RHOU: variants seen among roughly 807,000 people sequenced by gnomAD.
The protein encoded by RHOU is ras homolog family member U.
Under a neutral mutation model 12.6 loss-of-function variants are expected in RHOU, and 8 were observed. The observed-to-expected ratio is 0.64, with a 90% confidence interval of 0.37 to 1.15. The LOEUF is 1.15. Among genes scored for constraint, RHOU ranks in the 50% most tolerant of loss-of-function variants. The probability of loss-of-function intolerance (pLI) is 0.01; values close to 1 mark genes in which losing one functional copy is unlikely to be tolerated. For synonymous variants in RHOU, 161 were observed against 147.4 expected (o/e 1.09, Z -0.67); for missense variants, 258 against 347.0 (o/e 0.74, Z 2.04).
chr1:228,662,503 A>G, the RHOU span, among the ~76,000 whole-genome samples: 3 of 152,154 alleles, frequency 2.0e-5, no homozygotes, highest in Admixed American at 1.3e-4. Flanking sequence ...ATGCTGCCAC[A>G]AAAAAGGATG....
chr1:228,650,709 T>TAGTA, the RHOU span: 1 of 476,670 alleles, frequency 2.1e-6, no homozygotes, highest in African/African-American at 2.0e-5. Flanking sequence ...TGTGGAAAGC[T>TAGTA]AGTAGTGCTA....
the RHOU span, among the ~76,000 whole-genome samples, chr1:228,703,257 C>T: frequency 0.53 from 79,669 of 151,352 alleles, 23,714 homozygotes; most frequent in African/African-American, 0.83. Flanking sequence ...CCAGGCGCGG[C>T]GTCTCACATC....
At chr1:228,715,078 G>T in the RHOU span, among the ~76,000 whole-genome samples, 1 of 151,928 alleles carries the variant, frequency 6.6e-6, no homozygotes, top group African/African-American at 2.4e-5. Flanking sequence ...ATTTGAAATA[G>T]ATCTAACTAG....
chr1:228,719,540 G>C, the RHOU span, among the ~76,000 whole-genome samples: 1 of 152,122 alleles, frequency 6.6e-6, no homozygotes, highest in Non-Finnish European at 1.5e-5. Flanking sequence ...GACCAGCCTG[G>C]CCAACATGGT....
upstream of RHOU, among the ~76,000 whole-genome samples, chr1:228,733,605 C>T (rs141834372): frequency 4.6e-3 from 699 of 152,322 alleles, 1 homozygote; most frequent in African/African-American, 5.2e-3. Flanking sequence ...CCGCACCAGC[C>T]GATATTAGGT....
chr1:228,657,258 C>T, the RHOU span, among the ~76,000 whole-genome samples: 13 of 87,466 alleles, frequency 1.5e-4, no homozygotes, highest in East Asian at 1.5e-3. Context: ...GCCTGGGCAA[C>T]GAGAGCAAAA....
At chr1:228,729,841 C>A in the RHOU span, among the ~76,000 whole-genome samples, 1 of 152,142 alleles carries the variant, frequency 6.6e-6, no homozygotes, top group Admixed American at 6.5e-5. Context: ...TTAATTTATC[C>A]ATTCTAGTTA....
At chr1:228,727,128 C>T in the RHOU span, among the ~76,000 whole-genome samples, 1 of 152,190 alleles carries the variant, frequency 6.6e-6, no homozygotes, top group African/African-American at 2.4e-5. Flanking sequence ...ACACTAAGTT[C>T]ATGAGTCAGA....
chr1:228,687,476 T>C, the RHOU span: 1 of 1,574,384 alleles, frequency 6.4e-7, no homozygotes, highest in South Asian at 1.1e-5. Flanking sequence ...GGGAACATGC[T>C]GAGAAACTGA....
the RHOU span, among the ~76,000 whole-genome samples, chr1:228,665,665 T>G: frequency 6.6e-6 from 1 of 152,178 alleles, no homozygotes; most frequent in African/African-American, 2.4e-5. Context: ...AGTTCTGATG[T>G]CAGAGAGCAG....
the RHOU span, among the ~76,000 whole-genome samples, chr1:228,674,799 C>T: frequency 2.0e-5 from 3 of 152,028 alleles, no homozygotes; most frequent in African/African-American, 4.8e-5. Flanking sequence ...GGCGCGACCT[C>T]GGCTCACTGC....
At chr1:228,706,102 T>C in the RHOU span, among the ~76,000 whole-genome samples, 80,437 of 151,948 alleles carry the variant, frequency 0.53, 24,039 homozygotes, top group African/African-American at 0.84. Flanking sequence ...AAACACAAAT[T>C]TCTGGAACTT....
the RHOU span, among the ~76,000 whole-genome samples, chr1:228,726,062 G>T: frequency 1.3e-5 from 2 of 152,058 alleles, no homozygotes; most frequent in African/African-American, 4.8e-5. Context: ...ATTATCATGG[G>T]TTTCTTCTCT....
At chr1:228,657,418 G>A in the RHOU span, among the ~76,000 whole-genome samples, 2 of 151,136 alleles carry the variant, frequency 1.3e-5, no homozygotes, top group Non-Finnish European at 2.9e-5. Flanking sequence ...AAATCAAATA[G>A]GTTTACATAA....
intron 2 of RHOU, among the ~76,000 whole-genome samples, chr1:228,740,315 T>C (rs1490001205): frequency 1.3e-5 from 2 of 152,206 alleles, no homozygotes; most frequent in African/African-American, 2.4e-5. Context: ...TTACTGTATT[T>C]CTTAACCTTT....
chr1:228,661,909 A>G, the RHOU span, among the ~76,000 whole-genome samples: 3 of 152,340 alleles, frequency 2.0e-5, no homozygotes, highest in South Asian at 4.1e-4. Context: ...AGAATGGGAG[A>G]AAATTTTTGC....
the RHOU span, among the ~76,000 whole-genome samples, chr1:228,729,870 G>T: frequency 6.6e-6 from 1 of 152,204 alleles, no homozygotes; most frequent in Non-Finnish European, 1.5e-5. Flanking sequence ...GTGATGGCAG[G>T]TGATAAAAGG....
At chr1:228,713,356 A>G in the RHOU span, among the ~76,000 whole-genome samples, 1 of 152,118 alleles carries the variant, frequency 6.6e-6, no homozygotes, top group African/African-American at 2.4e-5. Flanking sequence ...CTGGGTTCAG[A>G]TATCTTGTGG....
the RHOU span, among the ~76,000 whole-genome samples, chr1:228,671,097 C>T: frequency 5.8e-4 from 89 of 152,252 alleles, 1 homozygote; most frequent in Middle Eastern, 0.014. Context: ...CTCCACCTCC[C>T]GGGTTCAAGT....
Sources: gnomAD v4.1 joint callset for allele counts (sites outside exome capture counted in the v4.1 genomes callset) on GRCh38, gnomAD v4.1.1 for gene constraint, MANE v1.5 for transcripts, NCBI Gene and HGNC (gene_info 2026-07-23, HGNC 2026-07-21) for gene names.